Variants in FRAS1 observed in about 807,000 individuals in gnomAD.
FRAS1 encodes extracellular matrix organizing protein FRAS1.
Under a neutral mutation model 435.2 loss-of-function variants are expected in FRAS1, and 290 were observed. The observed-to-expected ratio is 0.67, with a 90% CI of 0.61 to 0.73. The LOEUF (loss-of-function observed/expected upper bound fraction) is 0.73, where lower values mean the gene tolerates loss of function less well. Ranked by LOEUF, FRAS1 falls within the 30% of genes least tolerant of loss-of-function variation. The pLI, the probability that FRAS1 is intolerant of heterozygous loss-of-function variation, is 0.00. For missense variants in FRAS1, 4,860 were observed against 5,001.5 expected (o/e 0.97, Z 0.85); for synonymous variants, 1,800 against 1,851.0 (o/e 0.97, Z 0.71).
rs1304513329 is a variant in FRAS1 at position 78,479,357 on chromosome 4, TGCCA to T, written c.8099-16_8099-13del. Reference sequence around the variant, plus strand: ...CACTCATTCAAATGCTTTGGTTTTTTGCCATTTGTATTTCAGGAGATGCAAGCAG... The same window carrying T: ...CACTCATTCAAATGCTTTGGTTTTTTTTTGTATTTCAGGAGATGCAAGCAG... On this transcript the variant is annotated splice_polypyrimidine_tract_variant and intron_variant, in intron 55 of 73. Coordinates refer to ENST00000512123, the MANE Select transcript of FRAS1 (RefSeq NM_025074.7). 2.1e-6 allele frequency: 3 copies of T among 1,450,268 alleles called. No homozygotes were observed. The Admixed American group carries it at 7.5e-5, about 36-fold the overall frequency. The allele number at this position is 1,450,268 out of a possible 1,614,324, so 89.8% of individuals were successfully genotyped here.
At chr4:78,305,010 T>G (rs530158637) in intron 14 of FRAS1, among the ~76,000 whole-genome samples, 2,061 of 152,308 alleles carry the variant, frequency 0.014, 52 homozygotes, top group African/African-American at 0.047. Flanking sequence ...GTGCTGTAAA[T>G]TTCCCTCTAC....
chr4:78,311,106 A>ACATGATAAATCAAAG (rs1560646182), intron 15 of FRAS1, among the ~76,000 whole-genome samples: 1 of 151,574 alleles, frequency 6.6e-6, no homozygotes, highest in Non-Finnish European at 1.5e-5. Flanking sequence ...GCTGCAGCTA[A>ACATGATAAATCAAAG]CATAATAAAT....
intron 26 of FRAS1, chr4:78,379,350 G>C (rs1731915842): frequency 5.0e-6 from 1 of 200,304 alleles, no homozygotes; most frequent in Non-Finnish European, 1.0e-5. Context: ...GTTTGGCATG[G>C]AATTAGGAAT....
At chr4:78,509,517 G>A (rs554896958) in intron 63 of FRAS1, among the ~76,000 whole-genome samples, 1 of 152,158 alleles carries the variant, frequency 6.6e-6, no homozygotes, top group South Asian at 2.1e-4. Context: ...CCAGGACATC[G>A]ATGGCACATA....
intron 2 of FRAS1, among the ~76,000 whole-genome samples, chr4:78,147,633 T>C (rs375994673): frequency 4.7e-4 from 71 of 152,220 alleles, no homozygotes; most frequent in African/African-American, 1.7e-3. Context: ...AGGAAATGAG[T>C]TCATCCTTCA....
At chr4:78,115,470 TG>T (rs1373438379) in intron 2 of FRAS1, among the ~76,000 whole-genome samples, 3 of 152,188 alleles carry the variant, frequency 2.0e-5, no homozygotes, top group Non-Finnish European at 4.4e-5. Context: ...GGACTTTTTT[TG>T]GTTGGTAAGC....
At chr4:78,298,003 C>CCTCT (rs765903880) in intron 14 of FRAS1, among the ~76,000 whole-genome samples, 16,997 of 118,250 alleles carry the variant, frequency 0.14, 1,363 homozygotes, top group Non-Finnish European at 0.2. Context: ...TTAATTTGTT[C>CCTCT]CTCTCTCTCT....
chr4:78,419,754 A>G (rs746591747), intron 33 of FRAS1, among the ~76,000 whole-genome samples: 12 of 152,208 alleles, frequency 7.9e-5, no homozygotes, highest in Admixed American at 1.3e-4. Context: ...TACAGGAAGC[A>G]TGGATGGGGA....
chr4:78,527,244 C>A (rs189152906), intron 70 of FRAS1, among the ~76,000 whole-genome samples: 1 of 152,122 alleles, frequency 6.6e-6, no homozygotes, highest in Non-Finnish European at 1.5e-5. Context: ...TAGAGCATAA[C>A]AATTGTGAAT....
chr4:78,340,006 T>C (rs1730338048), intron 20 of FRAS1, among the ~76,000 whole-genome samples: 1 of 152,220 alleles, frequency 6.6e-6, no homozygotes, highest in South Asian at 2.1e-4. Flanking sequence ...AATTTTATGC[T>C]AGGGCATATT....
At chr4:78,272,322 C>T (rs1248094769) in intron 9 of FRAS1, among the ~76,000 whole-genome samples, 3 of 152,158 alleles carry the variant, frequency 2.0e-5, no homozygotes, top group Non-Finnish European at 4.4e-5. Flanking sequence ...TTAATGAGAT[C>T]CCATTTGTCA....
Position 78,452,182 on chromosome 4 carries a change from A to G in FRAS1, c.6591A>G (p.Lys2197=), listed in dbSNP as rs752641439. The change falls in exon 47 of 74, where the codon AAA becomes AAG. Residue 2197 remains lysine, a synonymous_variant. Coordinates refer to ENST00000512123, the MANE Select transcript of FRAS1 (RefSeq NM_025074.7). ...KSFSISILED[K]SPPVITTNKG... is the part of the protein sequence containing the mutation. ...TATTTCTGATATTTTCAGAAGACAA[A>G]TCCCCACCAGTCATCACCACCAATA... The G allele has an allele frequency of 6.2e-7, 1 of 1,613,556 alleles. No individual in the cohort carries two copies.
At chr4:78,102,927 G>A (rs931464344) in intron 2 of FRAS1, among the ~76,000 whole-genome samples, 1 of 152,196 alleles carries the variant, frequency 6.6e-6, no homozygotes, top group African/African-American at 2.4e-5. Context: ...ATGGCATGGG[G>A]TGTATATGGC....
At chr4:78,189,451 C>CA (rs1722432452) in intron 2 of FRAS1, among the ~76,000 whole-genome samples, 1 of 152,182 alleles carries the variant, frequency 6.6e-6, no homozygotes, top group African/African-American at 2.4e-5. Context: ...TCTTGGAATA[C>CA]TGAGGCTGGA....
chr4:78,265,098 A>C lies in FRAS1; in HGVS notation c.677A>C (p.Gln226Pro), dbSNP rs764705322. The change falls in exon 7 of 74, where the codon CAA becomes CCA. Residue 226 changes from glutamine to proline, a missense_variant. By Grantham distance (76) the Gln-to-Pro change is moderately conservative. Coordinates refer to ENST00000512123, the MANE Select transcript of FRAS1 (RefSeq NM_025074.7). The stretch of plus-strand genomic sequence containing the variant: ...GCAAGATCCTGCTCTGCAGCTGGCC[A>C]AGTATACGAGGTAAGCTTTCATGCT... ...CSARSCSAAG[Q>P]VYEHGEQWSE... 6.8e-6 allele frequency: 11 copies of C among 1,612,000 alleles called. No individual in the cohort carries two copies. The Admixed American group carries it at 1.7e-4, about 24-fold the overall frequency.
At chr4:78,373,410 T>C (rs945501153) in intron 24 of FRAS1, among the ~76,000 whole-genome samples, 9 of 150,506 alleles carry the variant, frequency 6.0e-5, no homozygotes, top group African/African-American at 2.2e-4. Context: ...CCACGAAAGG[T>C]TGACATTTCA....
At chr4:78,360,125 A>C (rs546447755) in intron 20 of FRAS1, among the ~76,000 whole-genome samples, 2 of 152,304 alleles carry the variant, frequency 1.3e-5, no homozygotes, top group East Asian at 3.9e-4. Flanking sequence ...GAGGCACAGA[A>C]AGAGAACCCA....
At chr4:78,255,413 T>C (rs901947538) in intron 6 of FRAS1, 38 bp downstream of exon 6, 3 of 1,542,798 alleles carry the variant, frequency 1.9e-6, no homozygotes, top group Non-Finnish European at 1.7e-6. Context: ...CTTCACGGGC[T>C]ATTGAAGAAC....
intron 59 of FRAS1, among the ~76,000 whole-genome samples, chr4:78,492,851 A>G (rs539676614): frequency 1.3e-5 from 2 of 152,356 alleles, no homozygotes; most frequent in Admixed American, 1.3e-4. Context: ...AAAAGAAACT[A>G]TCATCAGAGT....
Sources: allele counts gnomAD v4.1 joint callset (sites outside exome capture counted in the v4.1 genomes callset), GRCh38; gene constraint gnomAD v4.1.1; transcripts MANE v1.5; gene names NCBI Gene and HGNC (gene_info 2026-07-23, HGNC 2026-07-21).